The following PEX26 variants were observed in gnomAD, a reference collection of about 807,000 sequenced individuals.
PEX26 encodes the protein peroxisomal biogenesis factor 26.
Under a neutral mutation model 31.4 loss-of-function variants are expected in PEX26, and 18 were observed. The ratio of observed to expected loss-of-function variants is 0.57; its 90% CI spans 0.40 to 0.85. The LOEUF is 0.85. Ranked by LOEUF, PEX26 falls within the 40% of genes least tolerant of loss-of-function variation. The probability of loss-of-function intolerance (pLI) is 0.00; values close to 1 mark genes in which losing one functional copy is unlikely to be tolerated. For missense variants in PEX26, 377 were observed against 383.9 expected (o/e 0.98, Z 0.15); for synonymous variants, 176 against 166.9 (o/e 1.05, Z -0.42).
intron 4 of PEX26, 82 bp downstream of exon 4, chr22:18,085,340 G>A (rs113767557): frequency 1.4e-6 from 2 of 1,404,140 alleles, no homozygotes; most frequent in African/African-American, 2.8e-5. Context: ...GTGTTTGTCA[G>A]AGTCCTACTG....
Position 18,078,371 on chromosome 22 carries a change from C to T in PEX26, c.-6C>T. 6.3e-7 allele frequency: 1 copy of T among 1,593,422 alleles called. No individual in the cohort carries two copies. Among genetic ancestry groups the T allele is most frequent in the East Asian group, 2.2e-5 (1 of 44,558 alleles). On this transcript the variant is annotated 5_prime_UTR_variant, in exon 1 of 5. Coordinates refer to ENST00000399744, the MANE Select transcript of PEX26 (RefSeq NM_001127649.3). ...TGAGGACCTGGGCCTTGGACCCGGA[C>T]TCGTTATGAAGAGCGATTCTTCGAC...
At position 18,101,190 on chromosome 22, in the gene PEX26, A is replaced by G. The variant is rs937563358; in HGVS notation, c.*13115A>G. 6.6e-6 allele frequency: 1 copy of G among 152,238 alleles called. No homozygotes were observed. The highest frequency in any genetic ancestry group is 1.5e-5 in the Non-Finnish European group (1 of 68,052). The allele number at this position is 152,238 out of a possible 1,614,324, so 9.4% of individuals were successfully genotyped here. On this transcript the variant is annotated 3_prime_UTR_variant, in exon 5 of 5. Coordinates refer to ENST00000399744, the MANE Select transcript of PEX26 (RefSeq NM_001127649.3). ...GGATCAACAGAAGACTTCTTGACCC[A>G]AAGATTCAAATATAGAACTAGGAAT...
intron 1 of PEX26, chr22:18,079,316 G>A: frequency 1.3e-6 from 1 of 740,742 alleles, no homozygotes; most frequent in Non-Finnish European, 1.6e-6. Context: ...GGAGGTGGTA[G>A]GTAGAATAGC....
rs148840260 is a variant in PEX26, at chr22:18,103,271, T to C, written c.*15196T>C. ...TGATAGCAGAATAGGGTGACCATTGTTAACACTGTATTGGGTGTTTCAAAA... is the reference window on the plus strand; with the variant it reads ...TGATAGCAGAATAGGGTGACCATTGCTAACACTGTATTGGGTGTTTCAAAA... On this transcript the variant is annotated 3_prime_UTR_variant, in exon 5 of 5. Coordinates refer to ENST00000399744, the MANE Select transcript of PEX26 (RefSeq NM_001127649.3). 20 of 152,130 alleles carry C rather than the reference T, an allele frequency of 1.3e-4. No individual in the cohort carries two copies. Among genetic ancestry groups the C allele is most frequent in the African/African-American group, 4.6e-4 (19 of 41,486 alleles). 9.4% of individuals were successfully genotyped at this position (152,130 alleles called of 1,614,324 possible). A position where few individuals can be genotyped will look rare whatever the true frequency, so the allele number is the denominator to read the frequency against.
Position 18,095,063 on chromosome 22 carries a change from G to A in PEX26, c.*6988G>A, listed in dbSNP as rs1469355409. On this transcript the variant is annotated 3_prime_UTR_variant, in exon 5 of 5. Coordinates refer to ENST00000399744, the MANE Select transcript of PEX26 (RefSeq NM_001127649.3). ...TGAGGCCATCCATGTAAGAGGCCAA[G>A]TAATAAAGATTTGTTGAATGAACTT... 2 of 152,138 alleles carry A rather than the reference G, an allele frequency of 1.3e-5. No homozygotes were observed. The highest frequency in any genetic ancestry group is 2.1e-4 in the South Asian group (1 of 4,836). The allele number at this position is 152,138 out of a possible 1,614,324, so 9.4% of individuals were successfully genotyped here.
chr22:18,080,892 C>T (rs565749190), intron 2 of PEX26, among the ~76,000 whole-genome samples: 23 of 152,206 alleles, frequency 1.5e-4, no homozygotes, highest in Admixed American at 3.9e-4. Flanking sequence ...CCTATCCCAC[C>T]GTAACTTTGT....
At position 18,090,269 on chromosome 22, in the gene PEX26, C is replaced by T. The variant is rs1927035625; in HGVS notation, c.*2194C>T. 1 of 152,212 alleles carries T rather than the reference C, an allele frequency of 6.6e-6. No individual in the cohort carries two copies. Among genetic ancestry groups the T allele is most frequent in the Non-Finnish European group, 1.5e-5 (1 of 68,038 alleles). The allele number at this position is 152,212 out of a possible 1,614,324, so 9.4% of individuals were successfully genotyped here. ...TGGCTTCCCATGGCTCACTGGATAACATCTAAATTCTTCATGGAATTGAAG... is the reference window on the plus strand; with the variant it reads ...TGGCTTCCCATGGCTCACTGGATAATATCTAAATTCTTCATGGAATTGAAG... On this transcript the variant is annotated 3_prime_UTR_variant, in exon 5 of 5. Transcript: ENST00000399744.
chr22:18,086,096 G>A (rs1157777936), intron 4 of PEX26, among the ~76,000 whole-genome samples: 1 of 152,028 alleles, frequency 6.6e-6, no homozygotes, highest in Non-Finnish European at 1.5e-5. Flanking sequence ...TCAGGAGTTC[G>A]AGAACAGCCT....
At position 18,098,832 on chromosome 22, in the gene PEX26, A is replaced by C. The variant is rs944252959; in HGVS notation, c.*10757A>C. The C allele has an allele frequency of 6.6e-6, 1 of 151,930 alleles. No individual in the cohort carries two copies. The highest frequency in any genetic ancestry group is 6.6e-5 in the Admixed American group (1 of 15,250). 9.4% of individuals were successfully genotyped at this position (151,930 alleles called of 1,614,324 possible). ...TGAAAATACTATATAATAAATATAA[A>C]ATGGATTAAAACTATATAAAATAGA... On this transcript the variant is annotated 3_prime_UTR_variant, in exon 5 of 5. Coordinates refer to ENST00000399744, the MANE Select transcript of PEX26 (RefSeq NM_001127649.3).
intron 1 of PEX26, 70 bp from the exon 2 acceptor site, chr22:18,079,804 C>A (rs1926473420): frequency 6.4e-7 from 1 of 1,570,562 alleles, no homozygotes; most frequent in Non-Finnish European, 8.8e-7. Flanking sequence ...GAGGAACAGT[C>A]CCAAGGTGGA....
chr22:18,078,451 G>A lies in PEX26; in HGVS notation c.75G>A (p.Val25=), dbSNP rs746587582. The stretch of plus-strand genomic sequence containing the variant: ...GACCCCTGCGCAGCAGCGAGCCGGT[G>A]CGCGCGGTCCCGGCCCGGGCGCCGG... ...LGGPLRSSEP[V]RAVPARAPAV... is the part of the protein sequence containing the mutation. Residue 25 remains valine (V), a synonymous_variant, in exon 1 of 5, where the codon GTG becomes GTA. Coordinates refer to ENST00000399744, the MANE Select transcript of PEX26 (RefSeq NM_001127649.3). The A allele has an allele frequency of 3.8e-6, 6 of 1,578,556 alleles. No homozygotes were observed. The highest frequency in any genetic ancestry group is 5.1e-6 in the Non-Finnish European group (6 of 1,165,218).
chr22:18,094,209 AG>A lies in PEX26; in HGVS notation c.*6135del, dbSNP rs1927219481. 1.2e-5 allele frequency: 1 copy of A among 83,890 alleles called. No individual in the cohort carries two copies. Among genetic ancestry groups the A allele is most frequent in the Non-Finnish European group, 2.2e-5 (1 of 45,240 alleles). 5.2% of individuals were successfully genotyped at this position (83,890 alleles called of 1,614,324 possible). On this transcript the variant is annotated 3_prime_UTR_variant, in exon 5 of 5. Coordinates refer to ENST00000399744, the MANE Select transcript of PEX26 (RefSeq NM_001127649.3). Reference sequence around the variant, plus strand: ...CACTTTTGTAGAAGAGTGTCATTTCAGAAAAAAGCCTTTTTTTTTTGAGATG... The same window carrying A: ...CACTTTTGTAGAAGAGTGTCATTTCAAAAAAAGCCTTTTTTTTTTGAGATG...
At chr22:18,082,012 C>G (rs541063863) in intron 2 of PEX26, among the ~76,000 whole-genome samples, 2 of 149,990 alleles carry the variant, frequency 1.3e-5, no homozygotes, top group East Asian at 3.9e-4. Context: ...GGCCATGGTA[C>G]GTCGTCTTCT....
chr22:18,081,011 A>T (rs1602458821), intron 2 of PEX26, among the ~76,000 whole-genome samples: 5 of 147,470 alleles, frequency 3.4e-5, no homozygotes, highest in Admixed American at 6.7e-5. Flanking sequence ...TTTTTTTTTT[A>T]AAGATTCACA....
intron 4 of PEX26, among the ~76,000 whole-genome samples, chr22:18,086,117 G>A (rs542085761): frequency 1.3e-5 from 2 of 151,986 alleles, no homozygotes; most frequent in Admixed American, 6.6e-5. Flanking sequence ...GGCCAATATG[G>A]TGAAACCCCG....
intron 1 of PEX26, chr22:18,079,004 G>T (rs1173615462): frequency 5.3e-6 from 2 of 376,086 alleles, no homozygotes; most frequent in Non-Finnish European, 1.0e-5. Flanking sequence ...GTCATGGCAG[G>T]AGCAGCGTTC....
In PEX26 at chr22:18,095,884, A is replaced by T. The variant is rs1927276807; in HGVS notation, c.*7809A>T. 1 of 152,020 alleles carries T rather than the reference A, an allele frequency of 6.6e-6. No homozygotes were observed. Among genetic ancestry groups the T allele is most frequent in the Admixed American group, 6.6e-5 (1 of 15,250 alleles). The allele number at this position is 152,020 out of a possible 1,614,324, so 9.4% of individuals were successfully genotyped here. A position where few individuals can be genotyped will look rare whatever the true frequency, so the allele number is the denominator to read the frequency against. On this transcript the variant is annotated 3_prime_UTR_variant, in exon 5 of 5. Coordinates refer to ENST00000399744, the MANE Select transcript of PEX26 (RefSeq NM_001127649.3). ...GTCGTCCAAGCTGGAGGGCAGTGGC[A>T]TGATCTCGACACACTGCAACATCCA...
At position 18,093,940 on chromosome 22, in the gene PEX26, A is replaced by G. The variant is rs1406407718; in HGVS notation, c.*5865A>G. The G allele has an allele frequency of 6.6e-6, 1 of 152,270 alleles. No individual in the cohort carries two copies. The allele number at this position is 152,270 out of a possible 1,614,324, so 9.4% of individuals were successfully genotyped here. A position where few individuals can be genotyped will look rare whatever the true frequency, so the allele number is the denominator to read the frequency against. ...CCGGACAACTGCAGGTGAAGATGGG[A>G]TTGTGAAGTACAGTCCAAGGCCCAC... On this transcript the variant is annotated 3_prime_UTR_variant, in exon 5 of 5. Transcript: ENST00000399744.
At chr22:18,087,924 C>A in intron 4 of PEX26, 48 bp from the exon 5 acceptor site, 1 of 1,188,628 alleles carries the variant, frequency 8.4e-7, no homozygotes, top group Non-Finnish European at 1.3e-6. Context: ...GGCAGAGTGA[C>A]AGGTGAGAGG....
Sources: gnomAD v4.1 joint callset for allele counts (sites outside exome capture counted in the v4.1 genomes callset) on GRCh38, gnomAD v4.1.1 for gene constraint, MANE v1.5 for transcripts, NCBI Gene and HGNC (gene_info 2026-07-23, HGNC 2026-07-21) for gene names.